The following NSMCE2 variants were observed in gnomAD, a reference collection of about 807,000 sequenced individuals.
NSMCE2 encodes the protein NSE2 SUMO ligase component of SMC5/6 complex, also known as E3 SUMO-protein ligase NSE2.
Under a neutral mutation model 23.8 loss-of-function variants are expected in NSMCE2, and 24 were observed. The ratio of observed to expected loss-of-function variants is 1.01; its 90% CI spans 0.73 to 1.42. The LOEUF is 1.42. Ranked by LOEUF, NSMCE2 falls within the 40% of genes most tolerant of loss-of-function variation. NSMCE2 has a pLI of 0.00. For synonymous variants in NSMCE2, 92 were observed against 94.1 expected, an observed-to-expected ratio of 0.98 and a Z score of 0.13; for missense variants, 284 against 296.5, an observed-to-expected ratio of 0.96 and a Z score of 0.31.
intron 4 of NSMCE2, among the ~76,000 whole-genome samples, chr8:125,174,896 C>G (rs1347996959): frequency 6.6e-6 from 1 of 152,082 alleles, no homozygotes; most frequent in Non-Finnish European, 1.5e-5. Context: ...TAATTTGGTC[C>G]AATAGAGTTC....
intron 5 of NSMCE2, among the ~76,000 whole-genome samples, chr8:125,288,796 T>A (rs1455514639): frequency 6.6e-6 from 1 of 152,102 alleles, no homozygotes; most frequent in East Asian, 1.9e-4. Context: ...TTTTTAAATT[T>A]ATTTATTTTT....
rs764444466 is a variant in NSMCE2, at chr8:125,357,812, A to G, written c.620A>G (p.Lys207Arg). ...MIESRQKRKK[K>R]AYCPQIGCSH... ...GAGTCCAGGCAAAAGCGGAAGAAAA[A>G]GGCCTAGTGAGTGGACGCAGGGAAG... Residue 207 changes from lysine (K) to arginine (R), a missense_variant, in exon 7 of 8, where the codon AAG (lysine) becomes AGG (arginine). Physicochemically the swap from Lys to Arg is conservative, Grantham distance 26 (BLOSUM62 2). This residue lies in a region of NSMCE2 where 102 missense variants were observed against 141.0 expected (regional missense o/e 0.72). Coordinates refer to ENST00000287437, the MANE Select transcript of NSMCE2 (RefSeq NM_173685.4). The G allele has an allele frequency of 6.8e-6, 11 of 1,609,810 alleles. No individual in the cohort carries two copies. The highest frequency in any genetic ancestry group is 1.7e-5 in the Admixed American group (1 of 60,000).
chr8:125,162,488 AT>A lies in NSMCE2; in HGVS notation c.264+11221del, dbSNP rs540494474. On this transcript the variant is annotated intron_variant, in intron 4 of 7. Transcript: ENST00000287437. ...GTGTTAGAGTTAAATTTAATTAATG[AT>A]TTTTTTTTTCTGTGCCTGCCCACTG... Among the ~76,000 whole-genome samples, 367 of 150,490 alleles carry A rather than the reference AT, an allele frequency of 2.4e-3. 3 individuals are homozygous for A. Among genetic ancestry groups the A allele is most frequent in the African/African-American group, 8.7e-3 (357 of 41,050 alleles).
intron 5 of NSMCE2, among the ~76,000 whole-genome samples, chr8:125,353,836 T>G (rs1813137675): frequency 6.6e-6 from 1 of 151,096 alleles, no homozygotes; most frequent in Admixed American, 6.6e-5. Flanking sequence ...TGAGCCAAGA[T>G]CGTGCCATTG....
chr8:125,095,547 C>G (rs999553691), intron 1 of NSMCE2, among the ~76,000 whole-genome samples: 1 of 152,050 alleles, frequency 6.6e-6, no homozygotes, highest in Admixed American at 6.5e-5. Context: ...CGAGCATGAT[C>G]ATGTCACTGC....
intron 3 of NSMCE2, among the ~76,000 whole-genome samples, chr8:125,146,120 G>A (rs1164096078): frequency 1.3e-5 from 2 of 152,210 alleles, no homozygotes; most frequent in East Asian, 3.8e-4. Flanking sequence ...CTCCTTGGAA[G>A]TGTTGTTTTA....
intron 5 of NSMCE2, among the ~76,000 whole-genome samples, chr8:125,272,306 G>A (rs1005857799): frequency 6.6e-6 from 1 of 151,576 alleles, no homozygotes; most frequent in Non-Finnish European, 1.5e-5. Context: ...GAGCCACCGC[G>A]CCCGGCAAAT....
At chr8:125,190,867 A>G (rs1333783227) in intron 5 of NSMCE2, among the ~76,000 whole-genome samples, 1 of 152,048 alleles carries the variant, frequency 6.6e-6, no homozygotes, top group Non-Finnish European at 1.5e-5. Context: ...GACTTTATGT[A>G]CATTATTATG....
At position 125,182,058 on chromosome 8, in the gene NSMCE2, A is replaced by G; in HGVS notation, c.265-45A>G. On this transcript the variant is annotated intron_variant, in intron 4 of 7. Coordinates refer to ENST00000287437, the MANE Select transcript of NSMCE2 (RefSeq NM_173685.4). Reference sequence around the variant, plus strand: ...AATGTTGCAAAACTTTGTTAACACTATTATTATTAACATTTAACTCAGGTA... The same window carrying G: ...AATGTTGCAAAACTTTGTTAACACTGTTATTATTAACATTTAACTCAGGTA... 2.9e-6 allele frequency: 4 copies of G among 1,396,262 alleles called. No individual in the cohort carries two copies. The South Asian group carries it at 4.0e-5, about 14-fold the overall frequency. The allele number at this position is 1,396,262 out of a possible 1,614,324, so 86.5% of individuals were successfully genotyped here.
chr8:125,280,690 A>T (rs974057145), intron 5 of NSMCE2, among the ~76,000 whole-genome samples: 1 of 152,198 alleles, frequency 6.6e-6, no homozygotes, highest in Non-Finnish European at 1.5e-5. Context: ...TTGACCTCTC[A>T]TACACCTTTA....
At chr8:125,106,504 C>A (rs1586433576) in intron 3 of NSMCE2, among the ~76,000 whole-genome samples, 1 of 151,920 alleles carries the variant, frequency 6.6e-6, no homozygotes, top group Non-Finnish European at 1.5e-5. Flanking sequence ...TTGGTGAAAC[C>A]CCATCTCTAC....
intron 5 of NSMCE2, among the ~76,000 whole-genome samples, chr8:125,292,673 A>G (rs1233807766): frequency 2.0e-5 from 3 of 152,246 alleles, no homozygotes; most frequent in Non-Finnish European, 4.4e-5. Context: ...TATCTCTCCA[A>G]AAGCTTCTTA....
At chr8:125,198,191 C>A (rs1823710102) in intron 5 of NSMCE2, among the ~76,000 whole-genome samples, 1 of 152,104 alleles carries the variant, frequency 6.6e-6, no homozygotes, top group Non-Finnish European at 1.5e-5. Flanking sequence ...CTTTCTCTTG[C>A]CTGATTGCCC....
At chr8:125,232,190 G>A (rs373780389) in intron 5 of NSMCE2, among the ~76,000 whole-genome samples, 1 of 152,016 alleles carries the variant, frequency 6.6e-6, no homozygotes, top group Non-Finnish European at 1.5e-5. Flanking sequence ...GAGAAATCCC[G>A]TCTGTACTAA....
intron 3 of NSMCE2, among the ~76,000 whole-genome samples, chr8:125,133,782 CAAAA>C (rs752957798): frequency 6.9e-6 from 1 of 145,590 alleles, no homozygotes; most frequent in Admixed American, 6.7e-5. Context: ...AAAACCAAAA[CAAAA>C]AAAAAGAAAA....
At chr8:125,319,281 A>G (rs907347614) in intron 5 of NSMCE2, among the ~76,000 whole-genome samples, 1 of 152,228 alleles carries the variant, frequency 6.6e-6, no homozygotes, top group African/African-American at 2.4e-5. Flanking sequence ...GTTTATAAAG[A>G]AAACAAAAAT....
rs191715532 is a variant in NSMCE2, at chr8:125,243,209, C to T, written c.418+60953C>T. Among the ~76,000 whole-genome samples, 15 of 152,172 alleles carry T rather than the reference C, an allele frequency of 9.9e-5. No homozygotes were observed. In the East Asian group the frequency reaches 2.1e-3, roughly 22 times the overall value. ...AGAGAATACATTCAATAATAGTGGA[C>T]GTATATATACTTAAGAGAGCATGTC... On this transcript the variant is annotated intron_variant, in intron 5 of 7. Transcript: ENST00000287437.
At position 125,304,734 on chromosome 8, in the gene NSMCE2, G is replaced by T. The variant is rs144228581; in HGVS notation, c.419-52485G>T. Among the ~76,000 whole-genome samples, 979 of 152,078 alleles carry T rather than the reference G, an allele frequency of 6.4e-3. 5 individuals are homozygous for T. Among genetic ancestry groups the T allele is most frequent in the African/African-American group, 0.022 (914 of 41,484 alleles). On this transcript the variant is annotated intron_variant, in intron 5 of 7. Coordinates refer to ENST00000287437, the MANE Select transcript of NSMCE2 (RefSeq NM_173685.4). ...TAGCCAGGCATGGTAGCATGGGCCT[G>T]TAATCCCAGCTGCTTGGGAGACTGA... is the stretch of plus-strand genomic sequence containing the variant.
chr8:125,213,373 C>T (rs1285435901), intron 5 of NSMCE2, among the ~76,000 whole-genome samples: 2 of 151,984 alleles, frequency 1.3e-5, no homozygotes, highest in African/African-American at 4.8e-5. Flanking sequence ...ATTTCACTGC[C>T]CATATTGCTC....
Sources: gnomAD v4.1 joint callset for allele counts (sites outside exome capture counted in the v4.1 genomes callset) on GRCh38, gnomAD v4.1.1 for gene constraint, gnomAD v4.1.1 regional missense constraint, MANE v1.5 for transcripts, NCBI Gene and HGNC (gene_info 2026-07-23, HGNC 2026-07-21) for gene names.